The following WARS2 variants were observed in gnomAD, a reference collection of about 807,000 sequenced individuals.
WARS2 encodes the protein tryptophan--tRNA ligase, mitochondrial.
In WARS2, 28 loss-of-function variants were observed where a neutral mutation model predicts 36.5. The observed-to-expected ratio is 0.77, with a 90% CI of 0.57 to 1.05. The LOEUF is 1.05. Among genes scored for constraint, WARS2 ranks in the 50% least tolerant of loss-of-function variants. The probability of loss-of-function intolerance (pLI) is 0.00; values close to 1 mark genes in which losing one functional copy is unlikely to be tolerated. For missense variants in WARS2, 435 were observed against 456.8 expected (o/e 0.95, Z 0.44); for synonymous variants, 174 against 178.4 (o/e 0.98, Z 0.20).
At chr1:119,045,710 G>A (rs1464070950) in intron 2 of WARS2, 48 bp from the exon 3 acceptor site, 1 of 1,447,842 alleles carries the variant, frequency 6.9e-7, no homozygotes. Flanking sequence ...GTGTTTTCTT[G>A]CATATAAGAA....
chr1:119,096,416 T>C (rs587676327), intron 1 of WARS2, among the ~76,000 whole-genome samples: 28 of 152,298 alleles, frequency 1.8e-4, no homozygotes, highest in African/African-American at 6.3e-4. Context: ...ATATTTACCA[T>C]ATCCCTTTTG....
At chr1:119,126,272 A>C (rs1055402298) in intron 1 of WARS2, among the ~76,000 whole-genome samples, 4 of 151,902 alleles carry the variant, frequency 2.6e-5, no homozygotes, top group African/African-American at 9.7e-5. Context: ...GTTTTGAAAA[A>C]AAAAAAAAAA....
intron 1 of WARS2, among the ~76,000 whole-genome samples, chr1:119,129,521 C>T (rs1443468153): frequency 6.6e-6 from 1 of 152,016 alleles, no homozygotes; most frequent in East Asian, 1.9e-4. Context: ...TCAGACTGGA[C>T]AGCATAGTGA....
intron 1 of WARS2, among the ~76,000 whole-genome samples, chr1:119,131,361 G>A (rs1656079561): frequency 6.6e-6 from 1 of 151,998 alleles, no homozygotes; most frequent in African/African-American, 2.4e-5. Flanking sequence ...TAGCTCCGAG[G>A]AAACTTGGAA....
chr1:119,129,537 T>G (rs1655938075), intron 1 of WARS2, among the ~76,000 whole-genome samples: 1 of 151,912 alleles, frequency 6.6e-6, no homozygotes, highest in Non-Finnish European at 1.5e-5. Flanking sequence ...AGTGAGACCT[T>G]GTGTTTAATA....
intron 2 of WARS2, among the ~76,000 whole-genome samples, chr1:119,048,004 AT>A (rs1649003298): frequency 1.3e-5 from 2 of 152,228 alleles, no homozygotes; most frequent in Admixed American, 1.3e-4. Flanking sequence ...GAGACATACA[AT>A]GTACCTCAGG....
chr1:119,059,781 T>C (rs528721228), intron 2 of WARS2, among the ~76,000 whole-genome samples: 1 of 152,330 alleles, frequency 6.6e-6, no homozygotes, highest in East Asian at 1.9e-4. Flanking sequence ...ATCATGTCCT[T>C]TGCAGGAACA....
At chr1:119,090,987 G>T (rs1231809961) in intron 1 of WARS2, among the ~76,000 whole-genome samples, 2 of 152,052 alleles carry the variant, frequency 1.3e-5, no homozygotes, top group African/African-American at 2.4e-5. Flanking sequence ...CAGGAATGTT[G>T]GTTATTACCA....
chr1:119,070,918 C>T (rs1463355194), intron 2 of WARS2, among the ~76,000 whole-genome samples: 2 of 152,056 alleles, frequency 1.3e-5, no homozygotes, highest in African/African-American at 4.8e-5. Context: ...TGTGGTGGCT[C>T]ATGCCTGTAA....
At chr1:119,084,311 AG>A (rs1391994784) in intron 1 of WARS2, among the ~76,000 whole-genome samples, 1 of 152,144 alleles carries the variant, frequency 6.6e-6, no homozygotes, top group Non-Finnish European at 1.5e-5. Flanking sequence ...TAATGGGTAC[AG>A]GGTTTCATTT....
At chr1:119,124,009 C>T (rs587685344) in intron 1 of WARS2, among the ~76,000 whole-genome samples, 1 of 152,300 alleles carries the variant, frequency 6.6e-6, no homozygotes, top group Admixed American at 6.5e-5. Flanking sequence ...TTGCCTAAAA[C>T]TTAACTCCTG....
At chr1:119,051,721 C>T (rs370939512) in intron 2 of WARS2, among the ~76,000 whole-genome samples, 1 of 149,896 alleles carries the variant, frequency 6.7e-6, no homozygotes, top group Non-Finnish European at 1.5e-5. Flanking sequence ...GATATTTTAA[C>T]AATAGCCATT....
At chr1:119,114,795 C>T (rs1014068975) in intron 1 of WARS2, among the ~76,000 whole-genome samples, 1 of 152,194 alleles carries the variant, frequency 6.6e-6, no homozygotes, top group Non-Finnish European at 1.5e-5. Context: ...TTCCTAAGTA[C>T]ATCCTGCAAA....
At chr1:119,085,961 G>A (rs759332066) in intron 1 of WARS2, 111 of 1,609,550 alleles carry the variant, frequency 6.9e-5, no homozygotes, top group Middle Eastern at 2.2e-4. Flanking sequence ...TCATCTCCAC[G>A]GGCCCAAACT....
chr1:119,110,337 A>G (rs587666426), intron 1 of WARS2, among the ~76,000 whole-genome samples: 1 of 152,154 alleles, frequency 6.6e-6, no homozygotes, highest in African/African-American at 2.4e-5. Flanking sequence ...CAAATTCTCT[A>G]AATCTTTGTT....
intron 1 of WARS2, among the ~76,000 whole-genome samples, chr1:119,113,418 C>T (rs1242643223): frequency 6.6e-6 from 1 of 152,150 alleles, no homozygotes; most frequent in Non-Finnish European, 1.5e-5. Flanking sequence ...AAGGATATCC[C>T]TCAATTTGGC....
At chr1:119,040,526 A>G (rs760289502) in intron 4 of WARS2, among the ~76,000 whole-genome samples, 1 of 152,094 alleles carries the variant, frequency 6.6e-6, no homozygotes, top group Non-Finnish European at 1.5e-5. Context: ...AGGTTTCACT[A>G]TTTTGCCCAG....
At chr1:119,033,738 T>C (rs746197559) in intron 5 of WARS2, among the ~76,000 whole-genome samples, 1 of 152,256 alleles carries the variant, frequency 6.6e-6, no homozygotes, top group Non-Finnish European at 1.5e-5. Flanking sequence ...ATTAACAGTG[T>C]TTCCAACTTA....
chr1:119,039,766 A>C (rs1648192602), intron 4 of WARS2, among the ~76,000 whole-genome samples: 2 of 152,120 alleles, frequency 1.3e-5, no homozygotes, highest in South Asian at 4.1e-4. Flanking sequence ...TTTCTGACCC[A>C]CCATGCCACT....
Sources: gnomAD v4.1 joint callset for allele counts (sites outside exome capture counted in the v4.1 genomes callset) on GRCh38, gnomAD v4.1.1 for gene constraint, MANE v1.5 for transcripts, NCBI Gene and HGNC (gene_info 2026-07-23, HGNC 2026-07-21) for gene names.